The following FANCA variants were observed in gnomAD, a reference collection of about 807,000 sequenced individuals.
The protein encoded by FANCA is FA complementation group A.
A neutral mutation model predicts 194.3 loss-of-function variants in FANCA; 236 were observed. The observed-to-expected ratio is 1.21, with a 90% CI of 1.09 to 1.35. The LOEUF is 1.35. Ranked by LOEUF, FANCA falls within the 40% of genes most tolerant of loss-of-function variation. The pLI, the probability that FANCA is intolerant of heterozygous loss-of-function variation, is 0.00. For missense variants in FANCA, 2,628 were observed against 1,813.9 expected (o/e 1.45, Z -8.15); for synonymous variants, 1,014 against 715.8 (o/e 1.42, Z -6.65).
At chr16:89,770,312 C>T (rs2039280892) in intron 24 of FANCA, 53 bp from the exon 25 acceptor site, 1 of 1,429,902 alleles carries the variant, frequency 7.0e-7, no homozygotes, top group South Asian at 1.2e-5. Flanking sequence ...CCTGCACATC[C>T]CTCCAACAGC....
At position 89,778,864 on chromosome 16, in the gene FANCA, A is replaced by G; in HGVS notation, c.1777-14T>C. 2 of 1,613,984 alleles carry G rather than the reference A, an allele frequency of 1.2e-6. No individual in the cohort carries two copies. The highest frequency in any genetic ancestry group is 1.6e-4 in the Middle Eastern group (1 of 6,062). On this transcript the variant is annotated splice_polypyrimidine_tract_variant and intron_variant, in intron 19 of 42. Transcript: ENST00000389301. Reference sequence around the variant, plus strand: ...GACTTTGGGGAGCTGTGGGAAGAGAAGAGACCTGTGAGAGACTGACAAGGA... The same window carrying G: ...GACTTTGGGGAGCTGTGGGAAGAGAGGAGACCTGTGAGAGACTGACAAGGA...
Position 89,738,008 on chromosome 16 carries a change from G to C in FANCA, c.*593C>G. On this transcript the variant is annotated 3_prime_UTR_variant, in exon 43 of 43. Coordinates refer to ENST00000389301, the MANE Select transcript of FANCA (RefSeq NM_000135.4). ...GTCTGTGGGTTCCAGTGCAGGCAGC[G>C]GGCATCCCTCAAGTACCACATGACC... 6.2e-7 allele frequency: 1 copy of C among 1,614,114 alleles called. No individual in the cohort carries two copies. Among genetic ancestry groups the C allele is most frequent in the Non-Finnish European group, 8.5e-7 (1 of 1,180,038 alleles).
At chr16:89,765,532 G>C (rs72807569) in intron 27 of FANCA, among the ~76,000 whole-genome samples, 18,777 of 152,318 alleles carry the variant, frequency 0.12, 1,494 homozygotes, top group Middle Eastern at 0.29. Flanking sequence ...AGAATTGCAG[G>C]AACAAAACTG....
intron 33 of FANCA, among the ~76,000 whole-genome samples, chr16:89,747,172 G>A (rs1025710005): frequency 3.3e-5 from 5 of 152,170 alleles, no homozygotes; most frequent in Non-Finnish European, 7.3e-5. Flanking sequence ...GCAGCCGCAG[G>A]GAAGGGGACG....
At chr16:89,739,097 A>G (rs1300386846) in intron 41 of FANCA, 36 bp downstream of exon 41, 1 of 1,613,514 alleles carries the variant, frequency 6.2e-7, no homozygotes. Context: ...GGCTGGGGGG[A>G]GCTCCCCTGG....
intron 14 of FANCA, among the ~76,000 whole-genome samples, chr16:89,785,853 G>GTGTT (rs1555557051): frequency 8.8e-6 from 1 of 113,172 alleles, no homozygotes; most frequent in East Asian, 2.7e-4. Context: ...GCAAAATTGT[G>GTGTT]TTTTGTTTTT....
chr16:89,765,372 C>T (rs2039091916), intron 27 of FANCA, among the ~76,000 whole-genome samples: 1 of 152,018 alleles, frequency 6.6e-6, no homozygotes, highest in African/African-American at 2.4e-5. Context: ...GGGCACAACA[C>T]ACAACCCCAC....
At chr16:89,805,974 A>T (rs2040625744) in intron 6 of FANCA, among the ~76,000 whole-genome samples, 1 of 151,728 alleles carries the variant, frequency 6.6e-6, no homozygotes, top group Non-Finnish European at 1.5e-5. Flanking sequence ...GTGCAATGGC[A>T]CAATCTCAGC....
At chr16:89,774,988 A>G (rs2039453105) in intron 21 of FANCA, among the ~76,000 whole-genome samples, 1 of 151,030 alleles carries the variant, frequency 6.6e-6, no homozygotes. Flanking sequence ...CAGCTATTAC[A>G]GAGGCTGAGG....
Position 89,737,925 on chromosome 16 carries a change from C to T in FANCA, c.*676G>A, listed in dbSNP as rs761686637. 11 of 1,571,198 alleles carry T rather than the reference C, an allele frequency of 7.0e-6. No homozygotes were observed. The highest frequency in any genetic ancestry group is 1.1e-5 in the South Asian group (1 of 89,060). On this transcript the variant is annotated 3_prime_UTR_variant, in exon 43 of 43. Transcript: ENST00000389301. ...TTTGCAGTAAGTGTGAGTCAGGACCCCCTCCCAGGGCTGTGGCCCTCGCAC... is the reference window on the plus strand; with the variant it reads ...TTTGCAGTAAGTGTGAGTCAGGACCTCCTCCCAGGGCTGTGGCCCTCGCAC...
chr16:89,745,067 C>T lies in FANCA; in HGVS notation c.3518G>A (p.Trp1173Ter), dbSNP rs1318931629. 1.2e-6 allele frequency: 2 copies of T among 1,603,416 alleles called. No homozygotes were observed. Among genetic ancestry groups the T allele is most frequent in the Non-Finnish European group, 1.7e-6 (2 of 1,177,838 alleles). Residue 1173 changes from tryptophan (W) to a stop codon, truncating the protein, a stop_gained, in exon 36 of 43, where the codon TGG (tryptophan) becomes TAG (stop). Transcript: ENST00000389301. LOFTEE classifies it high-confidence loss of function. Reference protein sequence around the residue: ...CPLILTSALVWWPSLEPVLLC... With the variant: ...CPLILTSALV The stretch of plus-strand genomic sequence containing the variant: ...CAGCACAGGCTCCAGGCTCGGCCAC[C>T]ACACCTATGGAGAGAGCACCAGCAC...
chr16:89,778,606 G>T, intron 20 of FANCA, 195 bp downstream of exon 20: 1 of 553,702 alleles, frequency 1.8e-6, no homozygotes, highest in Non-Finnish European at 3.1e-6. Context: ...CCAAGCCTGG[G>T]TGACAGAGTG....
intron 30 of FANCA, among the ~76,000 whole-genome samples, 170 bp downstream of exon 30, chr16:89,758,407 G>T (rs965276253): frequency 3.3e-5 from 5 of 152,324 alleles, no homozygotes; most frequent in Non-Finnish European, 1.5e-5. Context: ...GATCCTGAGT[G>T]TGTCTGTGAG....
At chr16:89,757,998 G>A (rs895361337) in intron 30 of FANCA, among the ~76,000 whole-genome samples, 1 of 152,114 alleles carries the variant, frequency 6.6e-6, no homozygotes, top group Admixed American at 6.6e-5. Flanking sequence ...TGGGATTACA[G>A]GCACCCGCCA....
intron 30 of FANCA, among the ~76,000 whole-genome samples, chr16:89,758,149 G>A (rs1405719075): frequency 1.3e-5 from 2 of 152,118 alleles, no homozygotes; most frequent in African/African-American, 2.4e-5. Context: ...GAGCCACCAC[G>A]CCCAGCCCGA....
intron 10 of FANCA, among the ~76,000 whole-genome samples, chr16:89,797,999 T>C (rs1164459149): frequency 6.6e-6 from 1 of 152,180 alleles, no homozygotes; most frequent in Non-Finnish European, 1.5e-5. Flanking sequence ...GTGAGTAATC[T>C]TATCACACAG....
At chr16:89,762,054 G>C in intron 28 of FANCA, 32 bp from the exon 29 acceptor site, 1 of 1,545,876 alleles carries the variant, frequency 6.5e-7, no homozygotes, top group South Asian at 1.1e-5. Flanking sequence ...TCAATACAAT[G>C]AGGACAGAAC....
intron 24 of FANCA, 29 bp downstream of exon 24, chr16:89,770,535 A>G: frequency 6.3e-7 from 1 of 1,579,628 alleles, no homozygotes; most frequent in Non-Finnish European, 8.6e-7. Context: ...GAGGAGCCCC[A>G]CCACTCAGGG....
intron 28 of FANCA, 46 bp from the exon 29 acceptor site, chr16:89,762,068 C>T (rs1179623342): frequency 7.0e-7 from 1 of 1,438,134 alleles, no homozygotes; most frequent in South Asian, 1.1e-5. Context: ...ACAGAACACA[C>T]AATCCACCGA....
Sources: allele counts gnomAD v4.1 joint callset (sites outside exome capture counted in the v4.1 genomes callset), GRCh38; gene constraint gnomAD v4.1.1; transcripts MANE v1.5; gene names NCBI Gene and HGNC (gene_info 2026-07-23, HGNC 2026-07-21).